Variants in TEAD1 observed in about 807,000 individuals in gnomAD.
TEAD1 encodes the protein TEA domain transcription factor 1, also known as transcriptional enhancer factor TEF-1.
A neutral mutation model predicts 54.9 loss-of-function variants in TEAD1; 9 were observed. The observed-to-expected ratio is 0.16, with a 90% CI of 0.10 to 0.29. The LOEUF (loss-of-function observed/expected upper bound fraction) is 0.29. Ranked by LOEUF, TEAD1 falls within the 10% of genes least tolerant of loss-of-function variation. The pLI is 1.00. For synonymous variants in TEAD1, 200 were observed against 187.8 expected, an observed-to-expected ratio of 1.07 and a Z score of -0.53; for missense variants, 387 against 535.9, an observed-to-expected ratio of 0.72 and a Z score of 2.74.
intron 3 of TEAD1, among the ~76,000 whole-genome samples, chr11:12,765,027 T>G (rs993924536): frequency 7.2e-5 from 11 of 152,194 alleles, no homozygotes; most frequent in South Asian, 6.2e-4. Flanking sequence ...TGCTGCCAGT[T>G]TGCAGTTGAA....
rs547237823 is a variant in TEAD1, at chr11:12,870,120, T to A, written c.330+5220T>A. ...GTCTCGAACTCCTGACCTCAAGTGA[T>A]GCGCCTGCCTCAGCCTCCCAAAGTG... is the stretch of plus-strand genomic sequence containing the variant. On this transcript the variant is annotated intron_variant, in intron 5 of 12. Transcript: ENST00000527636. 5.1e-4 allele frequency among the ~76,000 whole-genome samples: 78 copies of A among 152,314 alleles called. 1 individual carries two copies. Among genetic ancestry groups the A allele is most frequent in the African/African-American group, 1.7e-3 (71 of 41,578 alleles).
chr11:12,889,217 G>T (rs573295269), intron 9 of TEAD1, among the ~76,000 whole-genome samples: 7 of 152,322 alleles, frequency 4.6e-5, no homozygotes, highest in Admixed American at 2.6e-4. Context: ...CCCAGGGTGG[G>T]CTATTTAAAA....
At chr11:12,882,567 C>T (rs11820302) in intron 8 of TEAD1, among the ~76,000 whole-genome samples, 13,122 of 152,162 alleles carry the variant, frequency 0.086, 724 homozygotes, top group South Asian at 0.24. Flanking sequence ...CCGAGTGCTA[C>T]GGAGCATTCA....
intron 3 of TEAD1, among the ~76,000 whole-genome samples, chr11:12,821,592 A>T (rs1390096255): frequency 6.6e-6 from 1 of 152,052 alleles, no homozygotes; most frequent in Non-Finnish European, 1.5e-5. Context: ...GGAAACTATG[A>T]CCTCTTCTGG....
intron 2 of TEAD1, among the ~76,000 whole-genome samples, chr11:12,761,614 T>C (rs1276980004): frequency 2.0e-5 from 3 of 152,204 alleles, no homozygotes; most frequent in East Asian, 3.9e-4. Flanking sequence ...GTGCCATTTA[T>C]TGGGGGCCAC....
At chr11:12,857,218 A>C (rs1259002354) in intron 3 of TEAD1, among the ~76,000 whole-genome samples, 1 of 152,224 alleles carries the variant, frequency 6.6e-6, no homozygotes, top group Non-Finnish European at 1.5e-5. Context: ...ATAAAATGAA[A>C]TAAAAACTAG....
chr11:12,809,314 A>G (rs1946242802), intron 3 of TEAD1, among the ~76,000 whole-genome samples: 1 of 152,160 alleles, frequency 6.6e-6, no homozygotes, highest in South Asian at 2.1e-4. Context: ...TTACACAGTG[A>G]TAGAGCCTTT....
intron 7 of TEAD1, among the ~76,000 whole-genome samples, chr11:12,881,530 G>A (rs72862716): frequency 0.15 from 22,812 of 152,192 alleles, 1,709 homozygotes; most frequent in African/African-American, 0.16. Context: ...CCTATATGCT[G>A]TAAAAAAAAA....
chr11:12,770,096 A>G, intron 3 of TEAD1, among the ~76,000 whole-genome samples: 1 of 152,126 alleles, frequency 6.6e-6, no homozygotes, highest in Middle Eastern at 3.4e-3. Context: ...TTTCTGCACA[A>G]AATATGGACA....
chr11:12,901,922 T>G lies in TEAD1; in HGVS notation c.700-18T>G, dbSNP rs934907531. On this transcript the variant is annotated intron_variant, in intron 9 of 12. Transcript: ENST00000527636. Reference sequence around the variant, plus strand: ...TCAAAGAGTTTGTAATGGGAATGTTTCTGTTGGTTTCTTACAGTACAACAA... The same window carrying G: ...TCAAAGAGTTTGTAATGGGAATGTTGCTGTTGGTTTCTTACAGTACAACAA... 1.2e-6 allele frequency: 2 copies of G among 1,614,164 alleles called. No individual in the cohort carries two copies. The highest frequency in any genetic ancestry group is 1.3e-5 in the African/African-American group (1 of 75,064).
intron 10 of TEAD1, among the ~76,000 whole-genome samples, chr11:12,909,020 A>C (rs1316927411): frequency 6.6e-6 from 1 of 152,072 alleles, no homozygotes; most frequent in Non-Finnish European, 1.5e-5. Context: ...CAGGCCATGC[A>C]TGAATAGACC....
At chr11:12,805,721 A>G (rs929934071) in intron 3 of TEAD1, among the ~76,000 whole-genome samples, 3 of 152,220 alleles carry the variant, frequency 2.0e-5, no homozygotes, top group Non-Finnish European at 2.9e-5. Context: ...GTCTGTGTCT[A>G]CAGAATCATG....
intron 11 of TEAD1, among the ~76,000 whole-genome samples, chr11:12,929,207 T>TGTGTG (rs1948966702): frequency 6.9e-6 from 1 of 144,102 alleles, no homozygotes; most frequent in Non-Finnish European, 1.5e-5. Flanking sequence ...TGTGTCTGCT[T>TGTGTG]TAGGGTTATG....
intron 11 of TEAD1, among the ~76,000 whole-genome samples, chr11:12,928,642 A>T (rs1948949058): frequency 1.3e-5 from 2 of 152,154 alleles, no homozygotes; most frequent in Non-Finnish European, 2.9e-5. Context: ...AAAGAATAAC[A>T]CTGGAAATAA....
rs1284004446 is a variant in TEAD1, at chr11:12,883,017, G to A, written c.591G>A (p.Ser197=). ...CTCTTTCAGGGTTTGAGCCTGCATC[G>A]GCCCCAGCTCCCTCAGTCCCTGCCT... The change falls in exon 9 of 13, where the codon TCG becomes TCA. Residue 197 remains serine, a synonymous_variant. Coordinates refer to ENST00000527636, the MANE Select transcript of TEAD1 (RefSeq NM_021961.6). 5.6e-6 allele frequency: 9 copies of A among 1,613,958 alleles called. No homozygotes were observed. The highest frequency in any genetic ancestry group is 2.7e-5 in the African/African-American group (2 of 74,868).
At chr11:12,815,967 T>C (rs1189296010) in intron 3 of TEAD1, among the ~76,000 whole-genome samples, 2 of 152,230 alleles carry the variant, frequency 1.3e-5, no homozygotes, top group African/African-American at 2.4e-5. Flanking sequence ...GTTACAGCAC[T>C]TCAGGTTTTG....
At chr11:12,801,694 T>C (rs1392335950) in intron 3 of TEAD1, among the ~76,000 whole-genome samples, 1 of 152,214 alleles carries the variant, frequency 6.6e-6, no homozygotes, top group East Asian at 1.9e-4. Context: ...TGCCAGAAGA[T>C]GGTTGGACTT....
At chr11:12,832,079 C>A (rs1471141494) in intron 3 of TEAD1, among the ~76,000 whole-genome samples, 1 of 152,106 alleles carries the variant, frequency 6.6e-6, no homozygotes, top group South Asian at 2.1e-4. Flanking sequence ...TCCCAATAAA[C>A]CACACTGTCC....
chr11:12,876,154 TGA>T (rs1947849778), intron 5 of TEAD1, among the ~76,000 whole-genome samples: 2 of 152,142 alleles, frequency 1.3e-5, no homozygotes, highest in African/African-American at 4.8e-5. Context: ...TGCTGGGTAA[TGA>T]GAGAGTCAAA....
Sources: allele counts gnomAD v4.1 joint callset (sites outside exome capture counted in the v4.1 genomes callset), GRCh38; gene constraint gnomAD v4.1.1; transcripts MANE v1.5; gene names NCBI Gene and HGNC (gene_info 2026-07-23, HGNC 2026-07-21).